Variants in OXR1 observed in about 807,000 individuals in gnomAD.
The protein encoded by OXR1 is oxidation resistance 1, also known as oxidation resistance protein 1.
A neutral mutation model predicts 104.6 loss-of-function variants in OXR1; 41 were observed. The observed-to-expected ratio is 0.39, with a 90% CI of 0.31 to 0.51. The LOEUF (loss-of-function observed/expected upper bound fraction) is 0.51, where lower values mean the gene tolerates loss of function less well. Ranked by LOEUF, OXR1 falls within the 20% of genes least tolerant of loss-of-function variation. The pLI is 0.77. For missense variants in OXR1, 955 were observed against 1,031.9 expected, an observed-to-expected ratio of 0.93 and a Z score of 1.02; for synonymous variants, 348 against 348.4, an observed-to-expected ratio of 1.00 and a Z score of 0.01.
In OXR1 at chr8:106,683,314, C is replaced by CT. The variant is rs747925620; in HGVS notation, c.411+16dup. 1.9e-4 allele frequency: 261 copies of CT among 1,340,370 alleles called. No individual in the cohort carries two copies. Among genetic ancestry groups the CT allele is most frequent in the East Asian group, 3.2e-4 (14 of 43,326 alleles). 83.0% of individuals were successfully genotyped at this position (1,340,370 alleles called of 1,614,324 possible). On this transcript the variant is annotated intron_variant, in intron 5 of 16. Transcript: ENST00000517566. Reference sequence around the variant, plus strand: ...GCAGTTGTTACTGGACAGGTAGTATCTTTTTTTTAATGTGCTGATGTTTAG... The same window carrying CT: ...GCAGTTGTTACTGGACAGGTAGTATCTTTTTTTTTAATGTGCTGATGTTTAG...
In OXR1 at chr8:106,567,351, G is replaced by T. The variant is rs1170887248; in HGVS notation, c.220+48212G>T. Among the ~76,000 whole-genome samples the T allele has an allele frequency of 3.3e-5, 5 of 152,252 alleles. No individual in the cohort carries two copies. The East Asian group carries it at 7.7e-4, about 24-fold the overall frequency. On this transcript the variant is annotated intron_variant, in intron 3 of 16. Coordinates refer to ENST00000517566, the MANE Select transcript of OXR1 (RefSeq NM_001198533.2). ...AAAATGATTACTCATCGCTTCACCA[G>T]ATTCTCTGAAATTTTATCAGCAGTG... is the stretch of plus-strand genomic sequence containing the variant.
chr8:106,298,426 A>C (rs1295633771), intron 1 of OXR1, among the ~76,000 whole-genome samples: 46 of 151,922 alleles, frequency 3.0e-4, no homozygotes, highest in Non-Finnish European at 1.0e-4. Flanking sequence ...CACAGGAAAA[A>C]CCCGTCCCCA....
chr8:106,465,490 T>G (rs966741170), intron 2 of OXR1, among the ~76,000 whole-genome samples: 4 of 151,990 alleles, frequency 2.6e-5, no homozygotes, highest in Non-Finnish European at 5.9e-5. Flanking sequence ...GTTAACATGA[T>G]CATTTTAGAT....
At chr8:106,692,926 A>G (rs1218154630) in intron 7 of OXR1, 49 bp downstream of exon 7, 1 of 1,332,796 alleles carries the variant, frequency 7.5e-7, no homozygotes, top group Admixed American at 2.2e-5. Flanking sequence ...TTTAGTTATT[A>G]CTAATGTATG....
In OXR1 at chr8:106,287,571, A is replaced by G. The variant is rs572026586; in HGVS notation, c.-139+17204A>G. 4.5e-4 allele frequency among the ~76,000 whole-genome samples: 68 copies of G among 152,216 alleles called. 1 individual carries two copies. Among genetic ancestry groups the G allele is most frequent in the African/African-American group, 1.5e-3 (63 of 41,526 alleles). On this transcript the variant is annotated intron_variant, in intron 1 of 16. Coordinates refer to ENST00000517566, the MANE Select transcript of OXR1 (RefSeq NM_001198533.2). ...CCACATGGCATCATAGAATGTACTAAGGTGTTTATTATCCCTTATGATACT... is the reference window on the plus strand; with the variant it reads ...CCACATGGCATCATAGAATGTACTAGGGTGTTTATTATCCCTTATGATACT...
chr8:106,295,907 C>G (rs1299540628), intron 1 of OXR1, among the ~76,000 whole-genome samples: 1 of 152,128 alleles, frequency 6.6e-6, no homozygotes. Context: ...CAAACTGAAC[C>G]TCTGTCCTGA....
chr8:106,332,937 G>T (rs931553392), intron 1 of OXR1, among the ~76,000 whole-genome samples: 1 of 151,992 alleles, frequency 6.6e-6, no homozygotes, highest in Non-Finnish European at 1.5e-5. Flanking sequence ...TTTACATAAT[G>T]TTCTCAAGGT....
At chr8:106,291,656 G>T (rs1374215136) in intron 1 of OXR1, among the ~76,000 whole-genome samples, 1 of 152,096 alleles carries the variant, frequency 6.6e-6, no homozygotes, top group Admixed American at 6.6e-5. Flanking sequence ...ATTCTGAGTG[G>T]TATGCATATA....
chr8:106,289,662 C>A (rs939989899), intron 1 of OXR1, among the ~76,000 whole-genome samples: 1 of 152,180 alleles, frequency 6.6e-6, no homozygotes, highest in African/African-American at 2.4e-5. Flanking sequence ...GATCACACTA[C>A]CTGATTTCAA....
At chr8:106,726,419 ATAC>A (rs1358383586) in intron 11 of OXR1, 3 of 607,268 alleles carry the variant, frequency 4.9e-6, no homozygotes, top group Non-Finnish European at 8.0e-6. Context: ...TATTTATAGA[ATAC>A]AAAATTTTAT....
At chr8:106,621,373 T>C (rs1821682929) in intron 3 of OXR1, among the ~76,000 whole-genome samples, 1 of 151,956 alleles carries the variant, frequency 6.6e-6, no homozygotes, top group East Asian at 1.9e-4. Context: ...ATTGCTTGAG[T>C]CCGGGAGTTC....
At chr8:106,724,679 G>C (rs1317364879) in intron 11 of OXR1, among the ~76,000 whole-genome samples, 3 of 152,118 alleles carry the variant, frequency 2.0e-5, no homozygotes, top group Non-Finnish European at 4.4e-5. Context: ...GCTAAAACTT[G>C]AAAGCCACTG....
Position 106,737,577 on chromosome 8 carries a change from C to T in OXR1, c.2014C>T (p.Arg672Cys), listed in dbSNP as rs1047258895. ...CGATGCTCTAAATACTGAAGAACTGCGCACACTCTGCAGACGCCTCCAGGT... is the reference window on the plus strand; with the variant it reads ...CGATGCTCTAAATACTGAAGAACTGTGCACACTCTGCAGACGCCTCCAGGT... The part of the protein sequence containing the change: ...RIDALNTEEL[R>C]TLCRRLQITT... Residue 672 changes from arginine to cysteine, a missense_variant, in exon 12 of 17, where the codon CGC becomes TGC. Arg to Cys is a radical substitution (Grantham distance 180). Around this residue, in one of 2 missense-constraint regions of OXR1, gnomAD observed 849 missense variants for 852.9 expected, o/e 1.00. Coordinates refer to ENST00000517566, the MANE Select transcript of OXR1 (RefSeq NM_001198533.2). 1.2e-5 allele frequency: 17 copies of T among 1,426,362 alleles called. No individual in the cohort carries two copies. The South Asian group carries it at 1.6e-4, about 13-fold the overall frequency. 88.4% of individuals were successfully genotyped at this position (1,426,362 alleles called of 1,614,324 possible). A position where few individuals can be genotyped will look rare whatever the true frequency, so the allele number is the denominator to read the frequency against.
intron 3 of OXR1, among the ~76,000 whole-genome samples, chr8:106,620,977 T>C (rs1357585068): frequency 2.0e-5 from 3 of 152,202 alleles, no homozygotes; most frequent in Non-Finnish European, 4.4e-5. Flanking sequence ...AAAAATTAAA[T>C]AATTCATTCC....
intron 2 of OXR1, among the ~76,000 whole-genome samples, chr8:106,387,988 A>G (rs1817445767): frequency 1.3e-5 from 2 of 152,206 alleles, no homozygotes; most frequent in South Asian, 4.1e-4. Context: ...TAGTTATAGC[A>G]ATGTCTACTG....
At chr8:106,682,170 A>G (rs938538728) in intron 4 of OXR1, among the ~76,000 whole-genome samples, 3 of 151,918 alleles carry the variant, frequency 2.0e-5, no homozygotes, top group African/African-American at 7.3e-5. Context: ...CATCTTTTGC[A>G]TAACCTTTTC....
At chr8:106,564,803 C>T (rs530256887) in intron 3 of OXR1, among the ~76,000 whole-genome samples, 3 of 152,290 alleles carry the variant, frequency 2.0e-5, no homozygotes, top group African/African-American at 2.4e-5. Flanking sequence ...TGGCTTCATC[C>T]CTGGGATGCA....
intron 2 of OXR1, among the ~76,000 whole-genome samples, chr8:106,400,394 T>C (rs1817954116): frequency 6.6e-6 from 1 of 152,174 alleles, no homozygotes; most frequent in African/African-American, 2.4e-5. Flanking sequence ...TTTGTTATTC[T>C]GGTTTAATGT....
chr8:106,590,051 A>T (rs3134123), intron 3 of OXR1, among the ~76,000 whole-genome samples: 55,159 of 151,934 alleles, frequency 0.36, 10,727 homozygotes, highest in African/African-American at 0.51. Context: ...CTTGATAAAA[A>T]TTCCCAAAAC....
Sources: allele counts gnomAD v4.1 joint callset (sites outside exome capture counted in the v4.1 genomes callset), GRCh38; gene constraint gnomAD v4.1.1; regional missense constraint gnomAD v4.1.1; transcripts MANE v1.5; gene names NCBI Gene and HGNC (gene_info 2026-07-23, HGNC 2026-07-21).